Variants in ATRNL1 observed in about 807,000 individuals in gnomAD.
ATRNL1 encodes the protein attractin like 1, also known as attractin-like protein 1.
In ATRNL1, 95 loss-of-function variants were observed where a neutral mutation model predicts 182.7. The observed-to-expected ratio is 0.52, with a 90% CI of 0.44 to 0.62. ATRNL1 has a LOEUF of 0.62. ATRNL1 is among the 20% of genes least tolerant of loss of function. The pLI, the probability that ATRNL1 is intolerant of heterozygous loss-of-function variation, is 0.00. For missense variants in ATRNL1, 1,471 were observed against 1,679.5 expected (o/e 0.88, Z 2.17); for synonymous variants, 576 against 568.3 (o/e 1.01, Z -0.19).
intron 10 of ATRNL1, among the ~76,000 whole-genome samples, chr10:115,259,111 A>C (rs11197139): frequency 0.22 from 33,156 of 152,176 alleles, 4,626 homozygotes; most frequent in Non-Finnish European, 0.31. Context: ...GTTTGTTCTC[A>C]GAGCTCAAAC....
At chr10:115,495,787 A>G (rs1849520261) in intron 24 of ATRNL1, among the ~76,000 whole-genome samples, 1 of 151,916 alleles carries the variant, frequency 6.6e-6, no homozygotes. Flanking sequence ...GATGAGAAGA[A>G]TATATTCTTT....
At chr10:115,553,631 T>G (rs1853132734) in intron 26 of ATRNL1, among the ~76,000 whole-genome samples, 1 of 151,330 alleles carries the variant, frequency 6.6e-6, no homozygotes, top group African/African-American at 2.4e-5. Flanking sequence ...CATTTTTTAT[T>G]ATCACCCTGA....
At chr10:115,190,069 G>A (rs1848110010) in intron 8 of ATRNL1, among the ~76,000 whole-genome samples, 1 of 152,096 alleles carries the variant, frequency 6.6e-6, no homozygotes, top group Admixed American at 6.6e-5. Context: ...GTGTCACACA[G>A]CCTAGGTATG....
intron 10 of ATRNL1, among the ~76,000 whole-genome samples, chr10:115,264,129 A>G (rs1851507835): frequency 6.6e-6 from 1 of 151,510 alleles, no homozygotes. Context: ...CATGTGCACA[A>G]CGTGCACGTT....
In ATRNL1 at chr10:115,318,007, A is replaced by C. The variant is rs979028802; in HGVS notation, c.3037+2271A>C. Among the ~76,000 whole-genome samples the C allele has an allele frequency of 6.6e-5, 10 of 152,264 alleles. No homozygotes were observed. In the East Asian group the frequency reaches 1.9e-3, roughly 29 times the overall value. On this transcript the variant is annotated intron_variant, in intron 18 of 28. Coordinates refer to ENST00000355044, the MANE Select transcript of ATRNL1 (RefSeq NM_207303.4). ...AAGCAAATGCTTCCAGCTTTTGCCC[A>C]TTTAATATGATATTGCTGTGGGATT...
chr10:115,473,215 T>A (rs145351541), intron 24 of ATRNL1, among the ~76,000 whole-genome samples: 1 of 151,508 alleles, frequency 6.6e-6, no homozygotes, highest in Non-Finnish European at 1.5e-5. Flanking sequence ...TTTATGATAC[T>A]TATAATGTGC....
chr10:115,524,625 A>G (rs930959161), intron 25 of ATRNL1, among the ~76,000 whole-genome samples: 2 of 152,288 alleles, frequency 1.3e-5, no homozygotes, highest in African/African-American at 4.8e-5. Context: ...AGAGATTACC[A>G]GTTGGTCTTT....
intron 5 of ATRNL1, among the ~76,000 whole-genome samples, chr10:115,152,028 G>A (rs539312724): frequency 1.3e-5 from 2 of 152,088 alleles, no homozygotes; most frequent in Non-Finnish European, 2.9e-5. Flanking sequence ...GGCTGTAGAT[G>A]TGTGATATTA....
intron 19 of ATRNL1, among the ~76,000 whole-genome samples, chr10:115,370,017 A>T (rs1400051592): frequency 6.6e-6 from 1 of 152,172 alleles, no homozygotes; most frequent in African/African-American, 2.4e-5. Flanking sequence ...GATCTTTCCC[A>T]TGCTATTCTT....
At chr10:115,291,984 G>A (rs561844526) in intron 15 of ATRNL1, among the ~76,000 whole-genome samples, 219 of 96,382 alleles carry the variant, frequency 2.3e-3, no homozygotes, top group African/African-American at 5.5e-3. Context: ...GAAGCCATCT[G>A]GTCCTGGACT....
chr10:115,179,240 C>T (rs568202279), intron 8 of ATRNL1, among the ~76,000 whole-genome samples: 1 of 152,028 alleles, frequency 6.6e-6, no homozygotes, highest in African/African-American at 2.4e-5. Flanking sequence ...TTATTTTTTT[C>T]CATCCTGTTT....
At chr10:115,788,387 A>C in intron 27 of ATRNL1, among the ~76,000 whole-genome samples, 1 of 140,798 alleles carries the variant, frequency 7.1e-6, no homozygotes, top group South Asian at 2.1e-4. Flanking sequence ...AAACATTCAT[A>C]TTTCTTTATA....
chr10:115,363,038 TA>T (rs1856830585), intron 19 of ATRNL1, among the ~76,000 whole-genome samples: 1 of 142,006 alleles, frequency 7.0e-6, no homozygotes, highest in Non-Finnish European at 1.6e-5. Flanking sequence ...ATATACCCAG[TA>T]ATGGGATGGC....
intron 19 of ATRNL1, among the ~76,000 whole-genome samples, chr10:115,384,502 C>T (rs1858221982): frequency 6.6e-6 from 1 of 151,978 alleles, no homozygotes; most frequent in Non-Finnish European, 1.5e-5. Flanking sequence ...CTGTGTGCAG[C>T]AGCTCAACTC....
intron 27 of ATRNL1, among the ~76,000 whole-genome samples, chr10:115,752,522 T>A (rs2960636): frequency 2.0e-5 from 3 of 152,078 alleles, no homozygotes; most frequent in Middle Eastern, 3.4e-3. Context: ...AAAGAACTGA[T>A]AATTGACCAT....
intron 27 of ATRNL1, among the ~76,000 whole-genome samples, chr10:115,733,926 T>C (rs1947873879): frequency 3.9e-5 from 6 of 152,178 alleles, no homozygotes; most frequent in Admixed American, 3.9e-4. Context: ...CTTTTATTTC[T>C]TTCCAATAAC....
intron 27 of ATRNL1, among the ~76,000 whole-genome samples, chr10:115,733,894 C>T (rs188248172): frequency 6.6e-6 from 1 of 152,014 alleles, no homozygotes. Context: ...ATCCCATTAC[C>T]CATAAATATT....
intron 28 of ATRNL1, among the ~76,000 whole-genome samples, chr10:115,855,870 T>C (rs1192861063): frequency 5.9e-5 from 9 of 152,202 alleles, no homozygotes; most frequent in African/African-American, 2.2e-4. Flanking sequence ...AATTTATATT[T>C]CCAATGTAGC....
chr10:115,910,496 A>C (rs1223375669), intron 28 of ATRNL1, among the ~76,000 whole-genome samples: 2 of 151,872 alleles, frequency 1.3e-5, no homozygotes, highest in African/African-American at 4.8e-5. Flanking sequence ...CCCTCCTTAC[A>C]TGCTCATCAG....
Sources: gnomAD v4.1 joint callset for allele counts (sites outside exome capture counted in the v4.1 genomes callset) on GRCh38, gnomAD v4.1.1 for gene constraint, MANE v1.5 for transcripts, NCBI Gene and HGNC (gene_info 2026-07-23, HGNC 2026-07-21) for gene names.